The following FNTB variants were observed in gnomAD, a reference collection of about 807,000 sequenced individuals.
The protein encoded by FNTB is farnesyltransferase, CAAX box, subunit beta, also known as protein farnesyltransferase subunit beta.
FNTB carries 27 observed loss-of-function variants against 59.4 expected under a neutral mutation model. The ratio of observed to expected loss-of-function variants is 0.45; its 90% CI spans 0.34 to 0.63. The LOEUF (loss-of-function observed/expected upper bound fraction) is 0.63. Among genes scored for constraint, FNTB ranks in the 20% least tolerant of loss-of-function variants. FNTB has a pLI of 0.02. For synonymous variants in FNTB, 230 were observed against 220.7 expected (o/e 1.04, Z -0.37); for missense variants, 449 against 559.6 (o/e 0.80, Z 1.99).
rs1595099296 is a variant in FNTB at position 65,054,522 on chromosome 14, G to T, written c.1068-53G>T. 1.3e-6 allele frequency: 2 copies of T among 1,551,460 alleles called. No individual in the cohort carries two copies. The highest frequency in any genetic ancestry group is 1.8e-6 in the Non-Finnish European group (2 of 1,139,322). The stretch of plus-strand genomic sequence containing the variant: ...TCTCTGAATTGGTGTGGCTACATTT[G>T]TAGATGTGTGCGGAGCAGAGGAGCG... On this transcript the variant is annotated intron_variant, in intron 10 of 11. Transcript: ENST00000246166. This position sits in a 1 kb window ranked among gnomAD's most constrained non-coding sequence, Gnocchi z 4.4.
rs1566572151 is a variant in FNTB at position 65,047,357 on chromosome 14, AGACT to A, written c.955+2915_955+2918del. Among the ~76,000 whole-genome samples, 1 of 152,260 alleles carries A rather than the reference AGACT, an allele frequency of 6.6e-6. No homozygotes were observed. Among genetic ancestry groups the A allele is most frequent in the African/African-American group, 2.4e-5 (1 of 41,466 alleles). The stretch of plus-strand genomic sequence containing the variant: ...GGTTAGTATGTGGTTGTGTGAATCC[AGACT>A]AGCTGGCATCTGAACCCTGCCCTGC... On this transcript the variant is annotated intron_variant, in intron 9 of 11. Transcript: ENST00000246166. This position sits in a 1 kb window ranked among gnomAD's most constrained non-coding sequence, Gnocchi z 5.2.
Position 64,990,686 on chromosome 14 carries a change from CAG to C in FNTB, c.144+3594_144+3595del, listed in dbSNP as rs1888164761. On this transcript the variant is annotated intron_variant, in intron 1 of 11. Transcript: ENST00000246166. This position sits in a 1 kb window ranked among gnomAD's most constrained non-coding sequence, Gnocchi z 5.2. ...GCCAGGACTTAGACTGATCCATGAT[CAG>C]AGAGTTTTGAGCAGGGGAGTGACAC... 6.6e-6 allele frequency among the ~76,000 whole-genome samples: 1 copy of C among 152,138 alleles called. No individual in the cohort carries two copies. The highest frequency in any genetic ancestry group is 6.5e-5 in the Admixed American group (1 of 15,284).
chr14:65,055,889 G>A (rs1233756589), intron 11 of FNTB, among the ~76,000 whole-genome samples: 1 of 152,128 alleles, frequency 6.6e-6, no homozygotes, highest in African/African-American at 2.4e-5. Context: ...TAGTTGAAAA[G>A]ATGCTCAACC....
intron 9 of FNTB, among the ~76,000 whole-genome samples, chr14:65,050,367 G>A (rs1251943548): frequency 6.6e-6 from 1 of 152,130 alleles, no homozygotes; most frequent in African/African-American, 2.4e-5. Context: ...AAGCCGAGTT[G>A]GGCAGATCAT....
intron 11 of FNTB, among the ~76,000 whole-genome samples, chr14:65,056,656 C>T (rs909371068): frequency 6.6e-6 from 1 of 152,150 alleles, no homozygotes; most frequent in Non-Finnish European, 1.5e-5. Flanking sequence ...ATATTCTGTG[C>T]TCATTTTCTT....
At chr14:65,034,891 C>T (rs767758088) in intron 7 of FNTB, among the ~76,000 whole-genome samples, 7 of 152,088 alleles carry the variant, frequency 4.6e-5, no homozygotes, top group Non-Finnish European at 7.4e-5. Flanking sequence ...TACAACAGAA[C>T]GGTATGGATT....
In FNTB at chr14:65,044,597, T is replaced by G; in HGVS notation, c.955+154T>G. 1 of 1,117,826 alleles carries G rather than the reference T, an allele frequency of 8.9e-7. No individual in the cohort carries two copies. The highest frequency in any genetic ancestry group is 1.2e-6 in the Non-Finnish European group (1 of 822,774). 69.2% of individuals were successfully genotyped at this position (1,117,826 alleles called of 1,614,324 possible). A position where few individuals can be genotyped will look rare whatever the true frequency, so the allele number is the denominator to read the frequency against. Reference sequence around the variant, plus strand: ...GTGTGGAACCTCATGCCGTGGGGCATGCGAATGCAGAGTAAGATTTAGTTT... The same window carrying G: ...GTGTGGAACCTCATGCCGTGGGGCAGGCGAATGCAGAGTAAGATTTAGTTT... On this transcript the variant is annotated intron_variant, in intron 9 of 11. Transcript: ENST00000246166. The surrounding 1 kb of genome is among the most constrained non-coding windows in gnomAD (Gnocchi z 5.5).
At chr14:64,989,069 G>A (rs1437229962) in intron 1 of FNTB, among the ~76,000 whole-genome samples, 1 of 152,044 alleles carries the variant, frequency 6.6e-6, no homozygotes, top group African/African-American at 2.4e-5. Flanking sequence ...CTTGTTAGGA[G>A]GAGTTGTTTA....
At chr14:65,018,923 C>T (rs147884458) in intron 4 of FNTB, among the ~76,000 whole-genome samples, 1,534 of 152,166 alleles carry the variant, frequency 0.01, 11 homozygotes, top group South Asian at 0.024. Flanking sequence ...CCAGCCTGGC[C>T]AACATGGAGA....
rs1278260179 is a variant in FNTB at position 65,044,140 on chromosome 14, C to G, written c.823-171C>G. On this transcript the variant is annotated intron_variant, in intron 8 of 11. Coordinates refer to ENST00000246166, the MANE Select transcript of FNTB (RefSeq NM_002028.4). The surrounding 1 kb of genome is among the most constrained non-coding windows in gnomAD (Gnocchi z 5.5). ...TTGGCTTAAATGCTTCACTCTGTGT[C>G]TATGGCAGTGTGGGGAGGGAAGGAA... Among the ~76,000 whole-genome samples the G allele has an allele frequency of 6.6e-6, 1 of 152,158 alleles. No individual in the cohort carries two copies. Among genetic ancestry groups the G allele is most frequent in the Non-Finnish European group, 1.5e-5 (1 of 68,038 alleles).
chr14:65,010,836 C>T (rs1437097370), intron 2 of FNTB, among the ~76,000 whole-genome samples: 1 of 152,186 alleles, frequency 6.6e-6, no homozygotes, highest in African/African-American at 2.4e-5. Context: ...GATTCTCCCA[C>T]CTGTCACTCC....
intron 2 of FNTB, among the ~76,000 whole-genome samples, chr14:65,008,133 G>C (rs2061624890): frequency 6.6e-6 from 1 of 152,092 alleles, no homozygotes; most frequent in African/African-American, 2.4e-5. Context: ...ACCTTTCCTC[G>C]ATTGCTTTAT....
At chr14:65,006,727 A>C (rs1351148389) in intron 2 of FNTB, among the ~76,000 whole-genome samples, 1 of 152,110 alleles carries the variant, frequency 6.6e-6, no homozygotes, top group Non-Finnish European at 1.5e-5. Context: ...CTTTTCACTT[A>C]CCATCAGGAT....
chr14:65,035,677 G>A (rs761904568), intron 7 of FNTB, among the ~76,000 whole-genome samples: 6 of 151,736 alleles, frequency 4.0e-5, no homozygotes, highest in East Asian at 1.9e-4. Flanking sequence ...CAACAAGCGC[G>A]TGCCACCATA....
At chr14:65,034,196 C>T (rs566111505) in intron 7 of FNTB, among the ~76,000 whole-genome samples, 1 of 152,330 alleles carries the variant, frequency 6.6e-6, no homozygotes, top group East Asian at 1.9e-4. Flanking sequence ...CCTTCTGGAG[C>T]CCTCTGCCCT....
rs529803747 is a variant in FNTB at position 65,024,791 on chromosome 14, T to C, written c.375-2662T>C. Among the ~76,000 whole-genome samples the C allele has an allele frequency of 9.3e-4, 141 of 152,214 alleles. 8 individuals are homozygous for C. The South Asian group carries it at 0.024, about 26-fold the overall frequency. On this transcript the variant is annotated intron_variant, in intron 4 of 11. Transcript: ENST00000246166. ...CCCCTACATTTGTGGGAAAAAAAAATATTTTTTTGTAGAGCTGGGGTCTCA... is the reference window on the plus strand; with the variant it reads ...CCCCTACATTTGTGGGAAAAAAAAACATTTTTTTGTAGAGCTGGGGTCTCA...
chr14:65,041,103 C>T (rs1406074263), intron 8 of FNTB, among the ~76,000 whole-genome samples, 184 bp downstream of exon 8: 1 of 152,148 alleles, frequency 6.6e-6, no homozygotes, highest in Non-Finnish European at 1.5e-5. Context: ...TTTCTGTCTT[C>T]CTGCTTAGAG....
chr14:65,027,925 A>G lies in FNTB; in HGVS notation c.605+144A>G, dbSNP rs2062013526. ...TGGGATGACATGTCAGTGACACGTC[A>G]GAATCATTCAGATGTGATGCAGATG... On this transcript the variant is annotated intron_variant, in intron 6 of 11. Coordinates refer to ENST00000246166, the MANE Select transcript of FNTB (RefSeq NM_002028.4). This position sits in a 1 kb window ranked among gnomAD's most constrained non-coding sequence, Gnocchi z 5.7. The G allele has an allele frequency of 2.0e-6, 2 of 1,003,236 alleles. No homozygotes were observed. The highest frequency in any genetic ancestry group is 3.2e-5 in the African/African-American group (2 of 62,080). 62.1% of individuals were successfully genotyped at this position (1,003,236 alleles called of 1,614,324 possible). A position where few individuals can be genotyped will look rare whatever the true frequency, so the allele number is the denominator to read the frequency against.
rs1048556846 is a variant in FNTB, at chr14:64,997,230, C to T, written c.145-7019C>T. 6.6e-6 allele frequency among the ~76,000 whole-genome samples: 1 copy of T among 152,206 alleles called. No homozygotes were observed. Among genetic ancestry groups the T allele is most frequent in the African/African-American group, 2.4e-5 (1 of 41,450 alleles). On this transcript the variant is annotated intron_variant, in intron 1 of 11. Transcript: ENST00000246166. The surrounding 1 kb of genome is among the most constrained non-coding windows in gnomAD (Gnocchi z 4.5). Reference sequence around the variant, plus strand: ...CTTTCTCAATTACTCCTGTAGATAACATCCCAATTGCAGAACCTAAGATTG... The same window carrying T: ...CTTTCTCAATTACTCCTGTAGATAATATCCCAATTGCAGAACCTAAGATTG...
Sources: gnomAD v4.1 joint callset for allele counts (sites outside exome capture counted in the v4.1 genomes callset) on GRCh38, gnomAD v4.1.1 for gene constraint, Gnocchi (gnomAD v3.1) non-coding constraint, MANE v1.5 for transcripts, NCBI Gene and HGNC (gene_info 2026-07-23, HGNC 2026-07-21) for gene names.